The following CNNM2 variants were observed in gnomAD, a reference collection of about 807,000 sequenced individuals.
CNNM2 encodes the protein cyclin and CBS domain divalent metal cation transport mediator 2, also known as metal transporter CNNM2.
CNNM2 carries 12 observed loss-of-function variants against 66.9 expected under a neutral mutation model. The ratio of observed to expected loss-of-function variants is 0.18; its 90% CI spans 0.11 to 0.29. CNNM2 has a LOEUF of 0.29. Among genes scored for constraint, CNNM2 ranks in the 10% least tolerant of loss-of-function variants. The pLI, the probability that CNNM2 is intolerant of heterozygous loss-of-function variation, is 1.00. For synonymous variants in CNNM2, 557 were observed against 501.8 expected (o/e 1.11, Z -1.47); for missense variants, 705 against 1,167.7 (o/e 0.60, Z 5.77).
At chr10:102,935,222 A>G (rs979606673) in intron 1 of CNNM2, among the ~76,000 whole-genome samples, 3 of 151,492 alleles carry the variant, frequency 2.0e-5, no homozygotes, top group East Asian at 1.9e-4. Flanking sequence ...TCCTAGCGCT[A>G]ACTTTGGGAG....
Position 103,068,617 on chromosome 10 carries a change from T to C in CNNM2, c.2074-12T>C. ...CAACTGGACTGAAAATACCTGCCTT[T>C]TCTCTCCACAGGGGAAAGTGGAAGT... is the stretch of plus-strand genomic sequence containing the variant. On this transcript the variant is annotated splice_polypyrimidine_tract_variant and intron_variant, in intron 4 of 7. Transcript: ENST00000369878. 6.2e-7 allele frequency: 1 copy of C among 1,605,666 alleles called. No homozygotes were observed. The highest frequency in any genetic ancestry group is 8.5e-7 in the Non-Finnish European group (1 of 1,175,702).
rs1369242421 is a variant in CNNM2, at chr10:103,078,251, C to T, written c.*1071C>T. 6.6e-6 allele frequency: 1 copy of T among 152,252 alleles called. No individual in the cohort carries two copies. Among genetic ancestry groups the T allele is most frequent in the Admixed American group, 6.5e-5 (1 of 15,284 alleles). 9.4% of individuals were successfully genotyped at this position (152,252 alleles called of 1,614,324 possible). On this transcript the variant is annotated 3_prime_UTR_variant, in exon 8 of 8. Coordinates refer to ENST00000369878, the MANE Select transcript of CNNM2 (RefSeq NM_017649.5). ...CACTCTGTACTGTGTGCCGAGAAGG[C>T]ATTTCTAGACCCGTGTTTTTAAAGG...
intron 1 of CNNM2, among the ~76,000 whole-genome samples, chr10:102,999,076 CT>C (rs141311858): frequency 9.2e-4 from 127 of 138,794 alleles, no homozygotes; most frequent in Admixed American, 9.5e-4. Flanking sequence ...TTTCTTTTTT[CT>C]TTTTTTTTTT....
In CNNM2 at chr10:103,080,295, G is replaced by C. The variant is rs151088637; in HGVS notation, c.*3115G>C. ...AAATCCCTAGCATCCAGATAGTCCT[G>C]GGACACTCTGCCTGCTCTGTAAATG... On this transcript the variant is annotated 3_prime_UTR_variant, in exon 8 of 8. Coordinates refer to ENST00000369878, the MANE Select transcript of CNNM2 (RefSeq NM_017649.5). 6.6e-6 allele frequency: 1 copy of C among 152,284 alleles called. No homozygotes were observed. Among genetic ancestry groups the C allele is most frequent in the Non-Finnish European group, 1.5e-5 (1 of 68,066 alleles). The allele number at this position is 152,284 out of a possible 1,614,324, so 9.4% of individuals were successfully genotyped here.
intron 4 of CNNM2, among the ~76,000 whole-genome samples, chr10:103,060,333 G>A (rs557490382): frequency 2.8e-4 from 43 of 152,262 alleles, no homozygotes; most frequent in African/African-American, 9.6e-4. Context: ...AGGTTGAGGC[G>A]GGCAGATCAC....
At chr10:102,929,440 C>CT (rs66550217) in intron 1 of CNNM2, among the ~76,000 whole-genome samples, 6 of 134,418 alleles carry the variant, frequency 4.5e-5, no homozygotes, top group African/African-American at 5.6e-5. Context: ...AAGAGCATGT[C>CT]TTTTTTAAAA....
intron 1 of CNNM2, among the ~76,000 whole-genome samples, chr10:103,047,739 G>A (rs2065149889): frequency 6.6e-6 from 1 of 152,058 alleles, no homozygotes; most frequent in African/African-American, 2.4e-5. Flanking sequence ...CATTGCCATA[G>A]TCACTTGGAA....
Position 103,045,128 on chromosome 10 carries a change from A to G in CNNM2, c.1622-4579A>G, listed in dbSNP as rs138733016. On this transcript the variant is annotated intron_variant, in intron 1 of 7. Coordinates refer to ENST00000369878, the MANE Select transcript of CNNM2 (RefSeq NM_017649.5). ...TAACTTTCGACAGACAGCATTCACC[A>G]AGAATTTTTAACTGCTTATGTTGGG... Among the ~76,000 whole-genome samples, 60 of 152,336 alleles carry G rather than the reference A, an allele frequency of 3.9e-4. 1 individual carries two copies. The East Asian group carries it at 0.011, about 28-fold the overall frequency.
At chr10:102,968,077 G>C (rs535972781) in intron 1 of CNNM2, among the ~76,000 whole-genome samples, 1 of 152,002 alleles carries the variant, frequency 6.6e-6, no homozygotes, top group Non-Finnish European at 1.5e-5. Flanking sequence ...CTCTTGTGGA[G>C]ATACTTAAGA....
chr10:102,985,352 T>A (rs761009954), intron 1 of CNNM2, among the ~76,000 whole-genome samples: 13 of 152,190 alleles, frequency 8.5e-5, no homozygotes, highest in Non-Finnish European at 1.8e-4. Context: ...AAAAGAATTT[T>A]AAAATTTTAA....
At chr10:102,940,563 T>C (rs924695684) in intron 1 of CNNM2, among the ~76,000 whole-genome samples, 6 of 151,444 alleles carry the variant, frequency 4.0e-5, no homozygotes, top group African/African-American at 7.3e-5. Flanking sequence ...GGACTACAGG[T>C]GCCTGCCACC....
intron 1 of CNNM2, among the ~76,000 whole-genome samples, chr10:102,970,820 C>T (rs1268720027): frequency 6.6e-6 from 1 of 152,152 alleles, no homozygotes; most frequent in Non-Finnish European, 1.5e-5. Flanking sequence ...TCAAGTGTCA[C>T]CCTGGAAGGG....
rs144148970 is a variant in CNNM2, at chr10:102,979,453, A to G, written c.1621+59352A>G. 7.2e-4 allele frequency among the ~76,000 whole-genome samples: 110 copies of G among 152,322 alleles called. 1 individual carries two copies. Among genetic ancestry groups the G allele is most frequent in the African/African-American group, 2.6e-3 (107 of 41,564 alleles). On this transcript the variant is annotated intron_variant, in intron 1 of 7. Coordinates refer to ENST00000369878, the MANE Select transcript of CNNM2 (RefSeq NM_017649.5). The stretch of plus-strand genomic sequence containing the variant: ...CTAGCTATGTTACCTGCTTAAATTC[A>G]GATGTCTGCTCACAGGTCACTAACA...
chr10:102,953,347 C>T (rs1208120177), intron 1 of CNNM2, among the ~76,000 whole-genome samples: 1 of 151,872 alleles, frequency 6.6e-6, no homozygotes, highest in African/African-American at 2.4e-5. Flanking sequence ...ACCTCTGCCT[C>T]CTGGGTTCAA....
chr10:103,025,380 C>T (rs760406698), intron 1 of CNNM2, among the ~76,000 whole-genome samples: 2 of 152,200 alleles, frequency 1.3e-5, no homozygotes, highest in Non-Finnish European at 2.9e-5. Flanking sequence ...TGAGCCACCA[C>T]GCCCAGCCAA....
intron 1 of CNNM2, among the ~76,000 whole-genome samples, chr10:103,017,836 C>T (rs1211245946): frequency 6.6e-6 from 1 of 151,822 alleles, no homozygotes; most frequent in Non-Finnish European, 1.5e-5. Flanking sequence ...TGGTAGTGGG[C>T]ACCTGTAATC....
At chr10:102,952,043 TC>T in intron 1 of CNNM2, among the ~76,000 whole-genome samples, 2 of 152,168 alleles carry the variant, frequency 1.3e-5, no homozygotes, top group South Asian at 2.1e-4. Flanking sequence ...CCTCAGTTGA[TC>T]CACCCACCTC....
intron 1 of CNNM2, among the ~76,000 whole-genome samples, chr10:103,040,959 T>C (rs1456697255): frequency 6.6e-6 from 1 of 152,128 alleles, no homozygotes. Flanking sequence ...TATTCTGAAG[T>C]TGTGCTGTCC....
intron 1 of CNNM2, among the ~76,000 whole-genome samples, chr10:103,033,799 T>C (rs1025087457): frequency 2.0e-5 from 3 of 152,158 alleles, no homozygotes; most frequent in Non-Finnish European, 4.4e-5. Context: ...TACACATTTT[T>C]AAGAGCTATT....
Sources: gnomAD v4.1 joint callset for allele counts (sites outside exome capture counted in the v4.1 genomes callset) on GRCh38, gnomAD v4.1.1 for gene constraint, MANE v1.5 for transcripts, NCBI Gene and HGNC (gene_info 2026-07-23, HGNC 2026-07-21) for gene names.